The following SPATA6L variants were observed in gnomAD, a reference collection of about 807,000 sequenced individuals.
SPATA6L encodes the protein spermatogenesis associated 6-like protein.
Under a neutral mutation model 49.2 loss-of-function variants are expected in SPATA6L, and 68 were observed. The ratio of observed to expected loss-of-function variants is 1.38; its 90% CI spans 1.14 to 1.69. The LOEUF (loss-of-function observed/expected upper bound fraction) is 1.69. SPATA6L is among the 40% of genes most tolerant of loss of function. The pLI is 0.00. For synonymous variants in SPATA6L, 198 were observed against 165.7 expected, an observed-to-expected ratio of 1.19 and a Z score of -1.50; for missense variants, 668 against 464.3, an observed-to-expected ratio of 1.44 and a Z score of -4.03.
intron 6 of SPATA6L, among the ~76,000 whole-genome samples, chr9:4,624,710 A>G (rs997874341): frequency 6.4e-4 from 96 of 149,906 alleles, no homozygotes; most frequent in African/African-American, 2.3e-3. Flanking sequence ...CCTAGGCGAC[A>G]GCGCAAGACT....
At chr9:4,601,280 T>C (rs1049810367) in intron 11 of SPATA6L, among the ~76,000 whole-genome samples, 1 of 152,060 alleles carries the variant, frequency 6.6e-6, no homozygotes, top group African/African-American at 2.4e-5. Flanking sequence ...GCTCTGTAAT[T>C]TGGCACTGCA....
rs575022987 is a variant in SPATA6L at position 4,621,941 on chromosome 9, C to T, written c.772+467G>A. On this transcript the variant is annotated intron_variant, in intron 7 of 11. Transcript: ENST00000682582. ...ATTTAAAGGTTTAAGAACACTTTGC[C>T]TTCATCTAACTGCTTCAGATAGAGT... Among the ~76,000 whole-genome samples the T allele has an allele frequency of 2.6e-5, 4 of 152,298 alleles. No homozygotes were observed. The South Asian group carries it at 8.3e-4, about 32-fold the overall frequency.
rs539273284 is a variant in SPATA6L at position 4,606,303 on chromosome 9, A to T, written c.996-863T>A. Among the ~76,000 whole-genome samples, 710 of 143,484 alleles carry T rather than the reference A, an allele frequency of 4.9e-3. 19 individuals are homozygous for T. The highest frequency in any genetic ancestry group is 7.1e-3 in the Middle Eastern group (2 of 280). 94.1% of individuals were successfully genotyped at this position (143,484 alleles called of 152,430 possible). On this transcript the variant is annotated intron_variant, in intron 9 of 11. Transcript: ENST00000682582. ...AACTGGGTGGAGCCCACCACAGCTC[A>T]AGGAGGCCTGCCTGCCTCTGTAGGC... is the stretch of plus-strand genomic sequence containing the variant.
chr9:4,640,992 T>C (rs1833910920), intron 3 of SPATA6L, among the ~76,000 whole-genome samples: 1 of 152,172 alleles, frequency 6.6e-6, no homozygotes, highest in African/African-American at 2.4e-5. Flanking sequence ...ATGAAAAACA[T>C]ATAGCACTCC....
chr9:4,603,642 C>T (rs941236753), intron 11 of SPATA6L, among the ~76,000 whole-genome samples: 1 of 152,108 alleles, frequency 6.6e-6, no homozygotes, highest in Non-Finnish European at 1.5e-5. Flanking sequence ...ATTCTCTGAT[C>T]TCATAAGGTT....
chr9:4,641,643 T>C (rs918575854), intron 3 of SPATA6L, among the ~76,000 whole-genome samples: 1 of 152,240 alleles, frequency 6.6e-6, no homozygotes, highest in African/African-American at 2.4e-5. Context: ...AATTCATGGA[T>C]GTGGAACTTG....
At chr9:4,652,702 G>A (rs1437384219) in intron 3 of SPATA6L, among the ~76,000 whole-genome samples, 6 of 151,760 alleles carry the variant, frequency 4.0e-5, no homozygotes, top group African/African-American at 9.7e-5. Flanking sequence ...TTAGCCAGGC[G>A]TGGTGGTGCA....
In SPATA6L at chr9:4,666,351, C is replaced by T. The variant is rs1659869469; in HGVS notation, c.-101G>A. ...TAGCTGAATACCTAGAGCAAATGTT[C>T]CCAGAAGCTTCCCCAGTCCCACGCC... On this transcript the variant is annotated 5_prime_UTR_variant, in exon 1 of 12. Coordinates refer to ENST00000682582, the MANE Select transcript of SPATA6L (RefSeq NM_001353486.2). 4 of 1,279,438 alleles carry T rather than the reference C, an allele frequency of 3.1e-6. No individual in the cohort carries two copies. Among genetic ancestry groups the T allele is most frequent in the Non-Finnish European group, 4.5e-6 (4 of 887,186 alleles). The allele number at this position is 1,279,438 out of a possible 1,614,324, so 79.3% of individuals were successfully genotyped here.
intron 2 of SPATA6L, among the ~76,000 whole-genome samples, chr9:4,656,779 T>C (rs1838338731): frequency 1.3e-5 from 2 of 152,358 alleles, no homozygotes; most frequent in South Asian, 2.1e-4. Flanking sequence ...AGAGTGTTGT[T>C]TGACTACCTA....
chr9:4,588,886 G>A (rs1821725067), exon 14 of SPATA6L: 1 of 152,220 alleles, frequency 6.6e-6, no homozygotes, highest in African/African-American at 2.4e-5. Context: ...AGAGCCATGG[G>A]AAGTGTGCTT....
At chr9:4,596,283 T>C (rs575204857), downstream of SPATA6L, among the ~76,000 whole-genome samples, 3 of 152,266 alleles carry the variant, frequency 2.0e-5, no homozygotes, top group East Asian at 5.8e-4. Context: ...AGTGGGTCCA[T>C]GCGAGGCTGT....
rs1839870025 is a variant in SPATA6L, at chr9:4,661,909, C to G, written c.167G>C (p.Arg56Thr). ...AFPIMIQESM[R>T]FEKVFESAVD... ...GAAAGTCAAGATCACCTTTTCAAAT[C>G]TCATGCTCTCCTGAATCATAATGGG... Residue 56 changes from arginine to threonine, a missense_variant, in exon 2 of 12, where the codon AGA becomes ACA. Arg to Thr is a moderately conservative substitution (Grantham distance 71, BLOSUM62 -1). Coordinates refer to ENST00000682582, the MANE Select transcript of SPATA6L (RefSeq NM_001353486.2). 2 of 1,613,574 alleles carry G rather than the reference C, an allele frequency of 1.2e-6. No homozygotes were observed. Among genetic ancestry groups the G allele is most frequent in the Non-Finnish European group, 1.7e-6 (2 of 1,179,742 alleles).
chr9:4,598,700 G>A lies in SPATA6L; in HGVS notation c.*2111C>T, dbSNP rs1342462037. ...TGAAATGGGATACCAATTCATTAGTGCTGCTTTCCTTTAGCTGCTTACGTA... is the reference window on the plus strand; with the variant it reads ...TGAAATGGGATACCAATTCATTAGTACTGCTTTCCTTTAGCTGCTTACGTA... On this transcript the variant is annotated 3_prime_UTR_variant, in exon 12 of 12. Transcript: ENST00000682582. 6.6e-6 allele frequency among the ~76,000 whole-genome samples: 1 copy of A among 152,152 alleles called. No homozygotes were observed. Among genetic ancestry groups the A allele is most frequent in the Non-Finnish European group, 1.5e-5 (1 of 68,026 alleles).
At chr9:4,634,095 G>A (rs1832251527) in intron 4 of SPATA6L, among the ~76,000 whole-genome samples, 1 of 152,080 alleles carries the variant, frequency 6.6e-6, no homozygotes, top group African/African-American at 2.4e-5. Flanking sequence ...ATATAAGAAA[G>A]TTTGTTTCTT....
In SPATA6L at chr9:4,622,104, T is replaced by A. The variant is rs115707975; in HGVS notation, c.772+304A>T. Among the ~76,000 whole-genome samples, 1,013 of 152,068 alleles carry A rather than the reference T, an allele frequency of 6.7e-3. 13 individuals are homozygous for A. The highest frequency in any genetic ancestry group is 0.022 in the African/African-American group (927 of 41,462). On this transcript the variant is annotated intron_variant, in intron 7 of 11. Transcript: ENST00000682582. Reference sequence around the variant, plus strand: ...GCATCAATGGTGACTTTGCAAGGGGTTCACAGCAGGACAAGTTGCACTCTG... The same window carrying A: ...GCATCAATGGTGACTTTGCAAGGGGATCACAGCAGGACAAGTTGCACTCTG...
At position 4,604,309 on chromosome 9, in the gene SPATA6L, C is replaced by T. The variant is rs561012286; in HGVS notation, c.1090-40G>A. 6 of 1,358,030 alleles carry T rather than the reference C, an allele frequency of 4.4e-6. No individual in the cohort carries two copies. The South Asian group carries it at 7.2e-5, about 16-fold the overall frequency. The allele number at this position is 1,358,030 out of a possible 1,614,324, so 84.1% of individuals were successfully genotyped here. A position where few individuals can be genotyped will look rare whatever the true frequency, so the allele number is the denominator to read the frequency against. ...AATCCAGCAATTATGTTACCCATAA[C>T]ATAATAGAGATGGATGATACCCAGA... On this transcript the variant is annotated intron_variant, in intron 10 of 11. Coordinates refer to ENST00000682582, the MANE Select transcript of SPATA6L (RefSeq NM_001353486.2).
chr9:4,610,801 T>C (rs1358238996), intron 9 of SPATA6L, among the ~76,000 whole-genome samples: 4 of 152,132 alleles, frequency 2.6e-5, no homozygotes, highest in African/African-American at 4.8e-5. Context: ...ACAAATGGGA[T>C]CTAATTCAAC....
chr9:4,605,303 T>C (rs767544997), intron 10 of SPATA6L, 44 bp downstream of exon 10: 1 of 1,439,534 alleles, frequency 6.9e-7, no homozygotes, highest in Admixed American at 1.7e-5. Context: ...CCTGTTCACA[T>C]ATTATTTAGT....
At chr9:4,608,823 C>CA (rs1825957953) in intron 9 of SPATA6L, among the ~76,000 whole-genome samples, 1 of 151,746 alleles carries the variant, frequency 6.6e-6, no homozygotes, top group South Asian at 2.1e-4. Flanking sequence ...AATAGAGACA[C>CA]AAAAAACCCT....
Sources: allele counts gnomAD v4.1 joint callset (sites outside exome capture counted in the v4.1 genomes callset), GRCh38; gene constraint gnomAD v4.1.1; transcripts MANE v1.5; gene names NCBI Gene and HGNC (gene_info 2026-07-23, HGNC 2026-07-21).